SIRPD: variants seen among roughly 807,000 people sequenced by gnomAD.
SIRPD encodes signal-regulatory protein delta.
Under a neutral mutation model 18.0 loss-of-function variants are expected in SIRPD, and 21 were observed. The ratio of observed to expected loss-of-function variants is 1.17; its 90% CI spans 0.83 to 1.68. The LOEUF (loss-of-function observed/expected upper bound fraction) is 1.68. SIRPD is among the 40% of genes most tolerant of loss of function. The pLI is 0.00. For missense variants in SIRPD, 295 were observed against 238.4 expected (o/e 1.24, Z -1.56); for synonymous variants, 106 against 92.9 (o/e 1.14, Z -0.81).
chr20:1,542,888 A>G (rs974197827), intron 2 of SIRPD, among the ~76,000 whole-genome samples: 1 of 152,118 alleles, frequency 6.6e-6, no homozygotes, highest in Admixed American at 6.5e-5. Flanking sequence ...TATTGAGATA[A>G]TTGTGGTTTT....
At chr20:1,550,840 A>G (rs1223544894) in intron 2 of SIRPD, among the ~76,000 whole-genome samples, 3 of 152,148 alleles carry the variant, frequency 2.0e-5, no homozygotes, top group Non-Finnish European at 4.4e-5. Context: ...TAGATAATAT[A>G]GATGAAATGT....
At chr20:1,534,497 G>C in intron 3 of SIRPD, 56 bp from the exon 4 acceptor site, 1 of 1,510,368 alleles carries the variant, frequency 6.6e-7, no homozygotes. Context: ...TGCAAGCTAA[G>C]AGCAGACACA....
At position 1,551,883 on chromosome 20, in the gene SIRPD, T is replaced by A; in HGVS notation, c.229A>T (p.Asn77Tyr). 6.2e-7 allele frequency: 1 copy of A among 1,614,110 alleles called. No individual in the cohort carries two copies. The highest frequency in any genetic ancestry group is 8.5e-7 in the Non-Finnish European group (1 of 1,179,996). ...GTGPNRKLIY[N>Y]FKQGNFPRVK... ...CTGGGAAAGTTACCTTGTTTGAAAT[T>A]GTAGATTAATTTCCGGTTTGGCCCT... is the stretch of plus-strand genomic sequence containing the variant. The change falls in exon 2 of 4, where the codon AAT (asparagine) becomes TAT (tyrosine). Residue 77 changes from asparagine (N) to tyrosine (Y), a missense_variant. Coordinates refer to ENST00000381623, the MANE Select transcript of SIRPD (RefSeq NM_178460.3).
intron 2 of SIRPD, among the ~76,000 whole-genome samples, chr20:1,538,915 C>T (rs1389783366): frequency 6.6e-6 from 1 of 152,130 alleles, no homozygotes. Context: ...TGTCATTGAT[C>T]ATAATAAGAT....
intron 3 of SIRPD, among the ~76,000 whole-genome samples, chr20:1,536,614 AG>A (rs963938257): frequency 1.3e-5 from 2 of 152,202 alleles, no homozygotes; most frequent in African/African-American, 4.8e-5. Flanking sequence ...TAGTCTAAAA[AG>A]GACCATTTAG....
At chr20:1,550,246 T>C (rs1302901946) in intron 2 of SIRPD, among the ~76,000 whole-genome samples, 1 of 152,196 alleles carries the variant, frequency 6.6e-6, no homozygotes, top group Non-Finnish European at 1.5e-5. Flanking sequence ...ATTTGTTCCA[T>C]TGGGTTGATT....
chr20:1,557,211 C>T (rs2091045325), intron 1 of SIRPD, among the ~76,000 whole-genome samples: 1 of 152,086 alleles, frequency 6.6e-6, no homozygotes, highest in Non-Finnish European at 1.5e-5. Flanking sequence ...CAAGATCGCA[C>T]CACTGCACTC....
Position 1,546,027 on chromosome 20 carries a change from A to G in SIRPD, c.421+5664T>C, listed in dbSNP as rs575559181. On this transcript the variant is annotated intron_variant, in intron 2 of 3. Transcript: ENST00000381623. ...GAGGGGCACCTGCCAGATGCCAGCC[A>G]GAGCTCTCCTGTATGAGGTGTCTGT... Among the ~76,000 whole-genome samples, 774 of 152,334 alleles carry G rather than the reference A, an allele frequency of 5.1e-3. 9 individuals are homozygous for G. The highest frequency in any genetic ancestry group is 0.018 in the African/African-American group (753 of 41,574).
intron 2 of SIRPD, chr20:1,540,139 A>G (rs1053831929): frequency 2.7e-5 from 9 of 335,538 alleles, no homozygotes; most frequent in African/African-American, 1.7e-4. Flanking sequence ...TGGAACACAG[A>G]GAGATTTAAA....
At chr20:1,546,308 A>G (rs988790898) in intron 2 of SIRPD, among the ~76,000 whole-genome samples, 2 of 152,194 alleles carry the variant, frequency 1.3e-5, no homozygotes, top group Non-Finnish European at 2.9e-5. Flanking sequence ...TCTTTCAGAG[A>G]TGTCCTGCAC....
chr20:1,546,342 T>C (rs2090993622), intron 2 of SIRPD, among the ~76,000 whole-genome samples: 2 of 152,244 alleles, frequency 1.3e-5, no homozygotes, highest in Non-Finnish European at 2.9e-5. Context: ...CTAGAGAGAA[T>C]AAGTGACCTT....
At chr20:1,551,627 G>T in intron 2 of SIRPD, 64 bp downstream of exon 2, 1 of 1,255,250 alleles carries the variant, frequency 8.0e-7, no homozygotes. Flanking sequence ...TGAATGAATA[G>T]AAGACATAAC....
At chr20:1,537,692 G>A (rs968476494) in intron 2 of SIRPD, among the ~76,000 whole-genome samples, 1 of 151,970 alleles carries the variant, frequency 6.6e-6, no homozygotes, top group Non-Finnish European at 1.5e-5. Flanking sequence ...TCACAGGTGT[G>A]GATCCCTGTT....
At chr20:1,544,726 A>G (rs1322950572) in intron 2 of SIRPD, among the ~76,000 whole-genome samples, 1 of 152,046 alleles carries the variant, frequency 6.6e-6, no homozygotes, top group East Asian at 1.9e-4. Flanking sequence ...TAGTTTTTAC[A>G]TTTTGGCGTG....
intron 3 of SIRPD, 148 bp from the exon 4 acceptor site, chr20:1,534,589 C>T (rs1172010634): frequency 2.3e-5 from 16 of 701,140 alleles, no homozygotes; most frequent in Non-Finnish European, 3.6e-5. Context: ...GCAGGCGCTC[C>T]CACATACTGC....
intron 2 of SIRPD, among the ~76,000 whole-genome samples, chr20:1,546,974 T>C (rs1379579603): frequency 6.6e-6 from 1 of 152,234 alleles, no homozygotes; most frequent in Non-Finnish European, 1.5e-5. Context: ...GTTATCTTTT[T>C]ACTTTCTTGA....
intron 3 of SIRPD, among the ~76,000 whole-genome samples, 180 bp from the exon 4 acceptor site, chr20:1,534,621 C>T (rs2090937710): frequency 6.6e-6 from 1 of 152,160 alleles, no homozygotes; most frequent in Non-Finnish European, 1.5e-5. Context: ...ACAATGGACA[C>T]GATCTCTCTA....
chr20:1,555,921 G>A (rs2091038778), intron 1 of SIRPD, among the ~76,000 whole-genome samples: 1 of 152,194 alleles, frequency 6.6e-6, no homozygotes, highest in African/African-American at 2.4e-5. Context: ...CTGGGGGTTT[G>A]ACTGGGGAAG....
At chr20:1,543,324 A>T (rs2090980164) in intron 2 of SIRPD, among the ~76,000 whole-genome samples, 1 of 152,184 alleles carries the variant, frequency 6.6e-6, no homozygotes, top group Non-Finnish European at 1.5e-5. Context: ...TTATTGGTCT[A>T]TTCAGGGATT....
Sources: allele counts gnomAD v4.1 joint callset (sites outside exome capture counted in the v4.1 genomes callset), GRCh38; gene constraint gnomAD v4.1.1; transcripts MANE v1.5; gene names NCBI Gene and HGNC (gene_info 2026-07-23, HGNC 2026-07-21).